The following PRKCB variants were observed in gnomAD, a reference collection of about 807,000 sequenced individuals.
PRKCB encodes the protein protein kinase C beta, also known as protein kinase C beta type.
In PRKCB, 13 loss-of-function variants were observed where a neutral mutation model predicts 81.5. That is an observed-to-expected ratio of 0.16 (90% confidence interval 0.10 to 0.25). The LOEUF (loss-of-function observed/expected upper bound fraction) is 0.25. Ranked by LOEUF, PRKCB falls within the 10% of genes least tolerant of loss-of-function variation. The pLI is 1.00. For missense variants in PRKCB, 509 were observed against 875.7 expected (o/e 0.58, Z 5.29); for synonymous variants, 335 against 321.4 (o/e 1.04, Z -0.45).
intron 2 of PRKCB, among the ~76,000 whole-genome samples, chr16:23,939,165 TG>T: frequency 6.6e-6 from 1 of 152,288 alleles, no homozygotes; most frequent in South Asian, 2.1e-4. Flanking sequence ...AATAATTAGC[TG>T]TAAATCCAAC....
At chr16:24,149,843 T>C (rs575864387) in intron 9 of PRKCB, among the ~76,000 whole-genome samples, 58 of 152,320 alleles carry the variant, frequency 3.8e-4, no homozygotes, top group African/African-American at 1.3e-3. Context: ...CTAAGATACA[T>C]AATCCATTCA....
chr16:23,859,189 AG>A (rs1489322195), intron 2 of PRKCB, among the ~76,000 whole-genome samples: 1 of 152,222 alleles, frequency 6.6e-6, no homozygotes, highest in African/African-American at 2.4e-5. Context: ...TAAGCTAAGT[AG>A]TTGAAGAGGG....
At chr16:24,156,303 C>G (rs1003703792) in intron 10 of PRKCB, among the ~76,000 whole-genome samples, 2 of 151,492 alleles carry the variant, frequency 1.3e-5, no homozygotes, top group South Asian at 4.2e-4. Context: ...CTAAATGGGT[C>G]TGGCTCTGTC....
intron 2 of PRKCB, among the ~76,000 whole-genome samples, chr16:23,848,721 G>T (rs529581141): frequency 6.6e-5 from 10 of 152,160 alleles, no homozygotes; most frequent in Non-Finnish European, 1.5e-5. Flanking sequence ...TTGACTTCTT[G>T]CTGTGGGACC....
At chr16:23,906,332 CTGCTTCTTCTTTT>C (rs1456058394) in intron 2 of PRKCB, among the ~76,000 whole-genome samples, 1 of 152,128 alleles carries the variant, frequency 6.6e-6, no homozygotes, top group East Asian at 1.9e-4. Context: ...TTTCTGTGAA[CTGCTTCTTCTTTT>C]TTGCCTATTT....
chr16:24,047,217 C>T (rs534039093), intron 5 of PRKCB, among the ~76,000 whole-genome samples: 1 of 151,980 alleles, frequency 6.6e-6, no homozygotes, highest in Non-Finnish European at 1.5e-5. Flanking sequence ...TGGTGCGTGT[C>T]TGCAGTCCCA....
chr16:23,927,969 T>C (rs1963919402), intron 2 of PRKCB, among the ~76,000 whole-genome samples: 1 of 151,896 alleles, frequency 6.6e-6, no homozygotes, highest in Non-Finnish European at 1.5e-5. Context: ...TCAGTAGTCA[T>C]TGCAGTCATG....
At chr16:23,947,664 T>C (rs1964221118) in intron 2 of PRKCB, among the ~76,000 whole-genome samples, 1 of 151,484 alleles carries the variant, frequency 6.6e-6, no homozygotes, top group Non-Finnish European at 1.5e-5. Context: ...AGGACAAGAG[T>C]TAGGAGGAGT....
At chr16:24,159,235 G>C (rs1051750741) in intron 10 of PRKCB, among the ~76,000 whole-genome samples, 1 of 152,164 alleles carries the variant, frequency 6.6e-6, no homozygotes, top group African/African-American at 2.4e-5. Context: ...CAGTGAAAGG[G>C]ATTATCTACT....
rs554398112 is a variant in PRKCB, at chr16:24,156,640, T to C, written c.1239+1783T>C. Reference sequence around the variant, plus strand: ...AGACAATAGAAAGAAAAATATTAAGTGAATGATAATTTACATCATGCAATG... The same window carrying C: ...AGACAATAGAAAGAAAAATATTAAGCGAATGATAATTTACATCATGCAATG... On this transcript the variant is annotated intron_variant, in intron 10 of 16. Coordinates refer to ENST00000643927, the MANE Select transcript of PRKCB (RefSeq NM_002738.7). 3.9e-4 allele frequency among the ~76,000 whole-genome samples: 59 copies of C among 152,214 alleles called. No individual in the cohort carries two copies. The Middle Eastern group carries it at 0.01, about 26-fold the overall frequency.
At chr16:23,863,224 A>ATATATACATACAAATG (rs1567293452) in intron 2 of PRKCB, among the ~76,000 whole-genome samples, 21 of 80,900 alleles carry the variant, frequency 2.6e-4, no homozygotes, top group Admixed American at 1.6e-3. Context: ...ACATACATAT[A>ATATATACATACAAATG]TATGTGTATA....
intron 11 of PRKCB, among the ~76,000 whole-genome samples, chr16:24,173,618 A>G (rs1039747358): frequency 6.6e-6 from 1 of 152,190 alleles, no homozygotes; most frequent in Admixed American, 6.5e-5. Context: ...CTTTAATTCC[A>G]TTGTCACACA....
intron 2 of PRKCB, among the ~76,000 whole-genome samples, chr16:23,880,710 A>AT (rs138012511): frequency 0.18 from 27,779 of 151,092 alleles, 2,658 homozygotes; most frequent in Middle Eastern, 0.28. Flanking sequence ...TCGCTAAAAC[A>AT]TTTTTTTTTC....
At position 24,219,927 on chromosome 16, in the gene PRKCB, C is replaced by T. The variant is rs3729908; in HGVS notation, c.*5111C>T. The T allele has an allele frequency of 0.1, 166,135 of 1,608,562 alleles. 9,382 individuals carry two copies. The highest frequency in any genetic ancestry group is 0.12 in the Middle Eastern group (711 of 6,036). On this transcript the variant is annotated 3_prime_UTR_variant, in exon 17 of 17. Transcript: ENST00000643927. ...TCTTGGTCCTGTGTCTTTCTTCTTA[C>T]GCTGTGTTAATGTGTTTACTTTCCA... is the stretch of plus-strand genomic sequence containing the variant.
At chr16:24,180,992 G>A in intron 13 of PRKCB, 64 bp downstream of exon 13, 1 of 1,585,064 alleles carries the variant, frequency 6.3e-7, no homozygotes, top group Non-Finnish European at 8.6e-7. Context: ...AGATGGCTGT[G>A]TGAGAGCTGG....
chr16:24,209,687 C>A lies in PRKCB; in HGVS notation c.1864-4971C>A, dbSNP rs570078753. On this transcript the variant is annotated intron_variant, in intron 16 of 16. Coordinates refer to ENST00000643927, the MANE Select transcript of PRKCB (RefSeq NM_002738.7). ...TTCCATCCCTCCACCAATCACCTTC[C>A]TTCAAGCCCCCATCATTCTTAACTG... is the stretch of plus-strand genomic sequence containing the variant. Among the ~76,000 whole-genome samples the A allele has an allele frequency of 5.3e-5, 8 of 152,284 alleles. No individual in the cohort carries two copies. The East Asian group carries it at 1.4e-3, about 26-fold the overall frequency.
intron 2 of PRKCB, among the ~76,000 whole-genome samples, chr16:23,853,392 C>T (rs1365095779): frequency 1.3e-5 from 2 of 152,188 alleles, no homozygotes; most frequent in Non-Finnish European, 2.9e-5. Context: ...AAAGCACACT[C>T]ATTTCACAAC....
intron 12 of PRKCB, among the ~76,000 whole-genome samples, chr16:24,176,160 G>T (rs1567402562): frequency 6.6e-6 from 1 of 152,014 alleles, no homozygotes. Flanking sequence ...TAGGGGGAAG[G>T]ATGATCTTAT....
intron 3 of PRKCB, among the ~76,000 whole-genome samples, chr16:24,019,830 T>G (rs1013575570): frequency 6.6e-6 from 1 of 152,148 alleles, no homozygotes; most frequent in Non-Finnish European, 1.5e-5. Context: ...TCATTGTACT[T>G]TATACCTGAG....
Sources: gnomAD v4.1 joint callset for allele counts (sites outside exome capture counted in the v4.1 genomes callset) on GRCh38, gnomAD v4.1.1 for gene constraint, MANE v1.5 for transcripts, NCBI Gene and HGNC (gene_info 2026-07-23, HGNC 2026-07-21) for gene names.